FHIT: variants seen among roughly 807,000 people sequenced by gnomAD.
FHIT encodes fragile histidine triad diadenosine triphosphatase.
In FHIT, 19 loss-of-function variants were observed where a neutral mutation model predicts 17.9. The observed-to-expected ratio is 1.06, with a 90% confidence interval of 0.74 to 1.56. The LOEUF (loss-of-function observed/expected upper bound fraction) is 1.56, where lower values mean the gene tolerates loss of function less well. Ranked by LOEUF, FHIT falls within the 40% of genes most tolerant of loss-of-function variation. The probability of loss-of-function intolerance (pLI) is 0.00; values close to 1 mark genes in which losing one functional copy is unlikely to be tolerated. For missense variants in FHIT, 248 were observed against 189.2 expected (o/e 1.31, Z -1.82); for synonymous variants, 81 against 69.7 (o/e 1.16, Z -0.81).
intron 5 of FHIT, among the ~76,000 whole-genome samples, chr3:60,425,981 G>A (rs2107278947): frequency 6.6e-6 from 1 of 152,230 alleles, no homozygotes. Context: ...GAGAATTTAT[G>A]TGCACAGCAA....
At chr3:60,799,443 G>T (rs939996237) in intron 4 of FHIT, among the ~76,000 whole-genome samples, 1 of 152,182 alleles carries the variant, frequency 6.6e-6, no homozygotes. Flanking sequence ...CAAAGTGCTG[G>T]GATTACAGGC....
intron 5 of FHIT, among the ~76,000 whole-genome samples, chr3:60,112,456 C>T (rs575385116): frequency 2.0e-5 from 3 of 152,264 alleles, no homozygotes; most frequent in African/African-American, 7.2e-5. Flanking sequence ...CCATCCCAAC[C>T]ATTTCGTAAA....
chr3:60,226,494 A>AAAAAAAAAAAAAG (rs1704212163), intron 5 of FHIT, among the ~76,000 whole-genome samples: 1 of 147,526 alleles, frequency 6.8e-6, no homozygotes, highest in Admixed American at 6.7e-5. Context: ...AAAAAAAAAA[A>AAAAAAAAAAAAAG]CACTGCCTGC....
intron 2 of FHIT, among the ~76,000 whole-genome samples, chr3:61,075,627 TAAGTA>T (rs1356453972): frequency 1.3e-5 from 2 of 152,092 alleles, no homozygotes; most frequent in African/African-American, 2.4e-5. Flanking sequence ...TAGGGAAAGT[TAAGTA>T]GAGTCAGGAA....
intron 3 of FHIT, among the ~76,000 whole-genome samples, chr3:60,899,171 G>A (rs1276776426): frequency 6.6e-6 from 1 of 152,146 alleles, no homozygotes; most frequent in Non-Finnish European, 1.5e-5. Context: ...TACGTGATCA[G>A]AAACACTTGC....
At chr3:60,260,730 C>T (rs213403) in intron 5 of FHIT, among the ~76,000 whole-genome samples, 146,225 of 152,064 alleles carry the variant, frequency 0.96, 70,327 homozygotes, top group East Asian at 0.99. Context: ...AAGTCACAGA[C>T]GAGATAGGAG....
chr3:60,313,261 A>G (rs1326259612), intron 5 of FHIT, among the ~76,000 whole-genome samples: 1 of 152,250 alleles, frequency 6.6e-6, no homozygotes, highest in African/African-American at 2.4e-5. Context: ...AACACTCTAC[A>G]ATATTCAGGA....
chr3:60,327,909 G>C (rs1407265540), intron 5 of FHIT, among the ~76,000 whole-genome samples: 1 of 152,194 alleles, frequency 6.6e-6, no homozygotes, highest in Non-Finnish European at 1.5e-5. Context: ...GAGGCACTCA[G>C]ACAAGAGCAA....
At chr3:59,943,880 T>G (rs572665404) in intron 7 of FHIT, among the ~76,000 whole-genome samples, 159 of 152,310 alleles carry the variant, frequency 1.0e-3, no homozygotes, top group Admixed American at 2.6e-3. Context: ...GACTGCTACC[T>G]GGAGCAAATT....
rs74653275 is a variant in FHIT at position 60,229,547 on chromosome 3, A to G, written c.104-215395T>C. Among the ~76,000 whole-genome samples the G allele has an allele frequency of 1.0e-2, 1,521 of 152,316 alleles. 25 individuals carry two copies. Among genetic ancestry groups the G allele is most frequent in the African/African-American group, 0.035 (1,440 of 41,574 alleles). On this transcript the variant is annotated intron_variant, in intron 5 of 9. Coordinates refer to ENST00000492590, the MANE Select transcript of FHIT (RefSeq NM_002012.4). ...AAATTAAGGAACAGGTGTACACAGT[A>G]AAAGTATAAAAGTAGATATTTTTAC...
At chr3:59,984,263 ATTAT>A (rs999277208) in intron 7 of FHIT, among the ~76,000 whole-genome samples, 4 of 152,040 alleles carry the variant, frequency 2.6e-5, no homozygotes, top group Non-Finnish European at 5.9e-5. Context: ...GTACAAATGG[ATTAT>A]TTGAGAGATG....
chr3:60,627,958 C>G (rs782529199), intron 4 of FHIT, among the ~76,000 whole-genome samples: 1 of 152,264 alleles, frequency 6.6e-6, no homozygotes, highest in Non-Finnish European at 1.5e-5. Flanking sequence ...TTTCTATTCT[C>G]TATTTCATTA....
intron 3 of FHIT, among the ~76,000 whole-genome samples, chr3:60,961,019 C>A (rs1307252936): frequency 2.6e-5 from 4 of 152,212 alleles, no homozygotes; most frequent in Admixed American, 1.3e-4. Flanking sequence ...CTGTCTTCCA[C>A]AATGGTTGAA....
chr3:60,312,793 A>G (rs2106766696), intron 5 of FHIT, among the ~76,000 whole-genome samples: 1 of 152,248 alleles, frequency 6.6e-6, no homozygotes, highest in South Asian at 2.1e-4. Flanking sequence ...CACACACACA[A>G]TTTTTTTGCT....
chr3:60,726,690 A>C (rs1319709222), intron 4 of FHIT, among the ~76,000 whole-genome samples: 1 of 152,216 alleles, frequency 6.6e-6, no homozygotes, highest in Non-Finnish European at 1.5e-5. Flanking sequence ...TACATTATAT[A>C]GCTCTCTAGG....
intron 5 of FHIT, among the ~76,000 whole-genome samples, chr3:60,231,707 TCAGTA>T (rs1211489612): frequency 6.6e-6 from 1 of 152,142 alleles, no homozygotes; most frequent in African/African-American, 2.4e-5. Context: ...AACAAGCTTA[TCAGTA>T]AAGTATTATT....
chr3:59,853,690 G>A (rs953365174), intron 8 of FHIT, among the ~76,000 whole-genome samples: 9 of 152,184 alleles, frequency 5.9e-5, no homozygotes, highest in South Asian at 2.1e-4. Flanking sequence ...TTGTGGGTGT[G>A]CATGTGTGTG....
intron 7 of FHIT, among the ~76,000 whole-genome samples, chr3:60,006,654 CAA>C (rs375320803): frequency 7.4e-6 from 1 of 134,710 alleles, no homozygotes; most frequent in Non-Finnish European, 1.6e-5. Flanking sequence ...TTTCCGCATT[CAA>C]AAAAAAAAAA....
intron 5 of FHIT, among the ~76,000 whole-genome samples, chr3:60,292,683 A>G (rs1423456988): frequency 6.6e-6 from 1 of 152,174 alleles, no homozygotes; most frequent in Non-Finnish European, 1.5e-5. Context: ...ATAGACACCA[A>G]CTAACGAAGA....
Sources: gnomAD v4.1 joint callset for allele counts (sites outside exome capture counted in the v4.1 genomes callset) on GRCh38, gnomAD v4.1.1 for gene constraint, MANE v1.5 for transcripts, NCBI Gene and HGNC (gene_info 2026-07-23, HGNC 2026-07-21) for gene names.